Variants in DPP6 observed in about 807,000 individuals in gnomAD.
DPP6 encodes A-type potassium channel modulatory protein DPP6.
In DPP6, 69 loss-of-function variants were observed where a neutral mutation model predicts 122.6. The observed-to-expected ratio is 0.56, with a 90% CI of 0.46 to 0.69. The LOEUF is 0.69. Ranked by LOEUF, DPP6 falls within the 30% of genes least tolerant of loss-of-function variation. The pLI is 0.00. For missense variants in DPP6, 928 were observed against 1,116.9 expected (o/e 0.83, Z 2.41); for synonymous variants, 418 against 433.1 (o/e 0.97, Z 0.43).
Position 154,029,568 on chromosome 7 carries a change from T to G in DPP6, c.51+141834T>G, listed in dbSNP as rs191585679. On this transcript the variant is annotated intron_variant, in intron 1 of 25. Transcript: ENST00000404039. ...ATGTCAAAAATTAGCAATTTTATGC[T>G]GGGCATGGTGGCTCACGCCTGTAAT... Among the ~76,000 whole-genome samples, 1,205 of 148,826 alleles carry G rather than the reference T, an allele frequency of 8.1e-3. 20 individuals are homozygous for G. The highest frequency in any genetic ancestry group is 0.027 in the African/African-American group (1,103 of 40,312).
At chr7:153,791,640 G>A in the DPP6 span, among the ~76,000 whole-genome samples, 3 of 152,026 alleles carry the variant, frequency 2.0e-5, no homozygotes, top group Admixed American at 6.5e-5. Flanking sequence ...GACTGGTCTC[G>A]AACTCCTGAC....
chr7:154,137,570 G>A (rs1051267484), intron 1 of DPP6, among the ~76,000 whole-genome samples: 7 of 149,600 alleles, frequency 4.7e-5, no homozygotes, highest in African/African-American at 1.7e-4. Context: ...GTCAGGTTCT[G>A]TGCCAAGGGT....
chr7:153,761,728 T>C, the DPP6 span, among the ~76,000 whole-genome samples: 1 of 152,222 alleles, frequency 6.6e-6, no homozygotes, highest in Non-Finnish European at 1.5e-5. Context: ...CAAGCATCGA[T>C]CCATGCTTCC....
rs557996428 is a variant in DPP6, at chr7:154,661,854, C to G, written c.681-7506C>G. Among the ~76,000 whole-genome samples the G allele has an allele frequency of 5.9e-3, 665 of 112,882 alleles. 26 individuals are homozygous for G. Among genetic ancestry groups the G allele is most frequent in the Admixed American group, 8.8e-3 (99 of 11,300 alleles). The allele number at this position is 112,882 out of a possible 152,430, so 74.1% of individuals were successfully genotyped here. On this transcript the variant is annotated intron_variant, in intron 6 of 25. Coordinates refer to ENST00000377770, the MANE Select transcript of DPP6 (RefSeq NM_130797.4). ...TGGTGAATCACCATGGCATATTGGC[C>G]ATAGTGTTCATATAGTCATGGTGAA...
At chr7:154,158,345 A>G (rs906001830) in intron 1 of DPP6, among the ~76,000 whole-genome samples, 1 of 151,334 alleles carries the variant, frequency 6.6e-6, no homozygotes, top group African/African-American at 2.4e-5. Context: ...TCTTTTTTCC[A>G]TTTATTTTAA....
At chr7:154,063,777 C>T (rs1351291173) in intron 1 of DPP6, among the ~76,000 whole-genome samples, 3 of 151,796 alleles carry the variant, frequency 2.0e-5, no homozygotes, top group Non-Finnish European at 4.4e-5. Flanking sequence ...CCTTAGGACC[C>T]ACCTGGAGGA....
rs148167839 is a variant in DPP6, at chr7:154,308,680, T to C, written c.244-137534T>C. On this transcript the variant is annotated intron_variant, in intron 1 of 25. Coordinates refer to ENST00000377770, the MANE Select transcript of DPP6 (RefSeq NM_130797.4). ...CAAGTCTGGCTTAAATTTACTATAT[T>C]CTCACAAGCCAACGGAGCTCTTCCT... 7.9e-5 allele frequency among the ~76,000 whole-genome samples: 12 copies of C among 152,274 alleles called. No homozygotes were observed. The East Asian group carries it at 2.3e-3, about 29-fold the overall frequency.
intron 1 of DPP6, among the ~76,000 whole-genome samples, chr7:154,302,007 C>T (rs771238629): frequency 7.9e-5 from 12 of 151,938 alleles, no homozygotes; most frequent in Non-Finnish European, 1.3e-4. Flanking sequence ...TTAGCAGAGA[C>T]GGGGTTTCAC....
At chr7:154,693,456 G>A (rs1325364160) in intron 7 of DPP6, among the ~76,000 whole-genome samples, 1 of 152,110 alleles carries the variant, frequency 6.6e-6, no homozygotes, top group Non-Finnish European at 1.5e-5. Flanking sequence ...TTTTCCAGAA[G>A]TGCTAATTAC....
Position 154,877,802 on chromosome 7 carries a change from C to T in DPP6, c.2078+1702C>T, listed in dbSNP as rs1385859984. Reference sequence around the variant, plus strand: ...AGGTGCAGGCAGCCCCCCCAGAGACCAAGTGGGTCCGTCTGACACCAGTGT... The same window carrying T: ...AGGTGCAGGCAGCCCCCCCAGAGACTAAGTGGGTCCGTCTGACACCAGTGT... On this transcript the variant is annotated intron_variant, in intron 20 of 25. Transcript: ENST00000377770. The surrounding 1 kb of genome is among the most constrained non-coding windows in gnomAD (Gnocchi z 5.2). 6.6e-6 allele frequency among the ~76,000 whole-genome samples: 1 copy of T among 152,204 alleles called. No homozygotes were observed. The highest frequency in any genetic ancestry group is 1.5e-5 in the Non-Finnish European group (1 of 68,026).
intron 5 of DPP6, among the ~76,000 whole-genome samples, chr7:154,598,301 C>T (rs1174170180): frequency 2.0e-5 from 3 of 152,134 alleles, no homozygotes; most frequent in South Asian, 2.1e-4. Context: ...AAAGGAAAAC[C>T]GTTTTGGAAG....
At chr7:154,070,936 A>G (rs1803073789) in intron 1 of DPP6, among the ~76,000 whole-genome samples, 1 of 152,188 alleles carries the variant, frequency 6.6e-6, no homozygotes, top group African/African-American at 2.4e-5. Flanking sequence ...GAGGCCTGAG[A>G]TACATCAGTG....
intron 6 of DPP6, among the ~76,000 whole-genome samples, chr7:154,655,668 T>C (rs1172143327): frequency 6.6e-6 from 1 of 152,192 alleles, no homozygotes; most frequent in African/African-American, 2.4e-5. Flanking sequence ...GGAAAATCAT[T>C]TGATGCGAGG....
At chr7:153,834,682 T>G in the DPP6 span, among the ~76,000 whole-genome samples, 1 of 152,274 alleles carries the variant, frequency 6.6e-6, no homozygotes, top group Non-Finnish European at 1.5e-5. Context: ...TATAGTTGAG[T>G]AAACTGAAGT....
chr7:154,308,124 T>A (rs911854336), intron 1 of DPP6, among the ~76,000 whole-genome samples: 5 of 152,110 alleles, frequency 3.3e-5, no homozygotes, highest in African/African-American at 1.2e-4. Flanking sequence ...GACTACCCAT[T>A]ACTTCTTAGC....
At chr7:154,021,758 C>T (rs980331853) in intron 1 of DPP6, among the ~76,000 whole-genome samples, 6 of 152,174 alleles carry the variant, frequency 3.9e-5, no homozygotes, top group African/African-American at 1.4e-4. Context: ...TGTGTGCATT[C>T]AGCCTCAGTC....
chr7:154,015,732 A>C (rs1286662114), intron 1 of DPP6, among the ~76,000 whole-genome samples: 1 of 151,722 alleles, frequency 6.6e-6, no homozygotes, highest in Non-Finnish European at 1.5e-5. Flanking sequence ...CCACCTCCCC[A>C]CTGGGGCTGC....
chr7:154,207,811 C>T (rs118096330), intron 1 of DPP6, among the ~76,000 whole-genome samples: 198 of 151,976 alleles, frequency 1.3e-3, no homozygotes, highest in African/African-American at 4.5e-3. Flanking sequence ...TTAACGTAGC[C>T]GGATGCGATG....
At chr7:154,035,604 TA>T (rs2129056322) in intron 1 of DPP6, among the ~76,000 whole-genome samples, 1 of 151,990 alleles carries the variant, frequency 6.6e-6, no homozygotes, top group Non-Finnish European at 1.5e-5. Flanking sequence ...CATCTCTCTT[TA>T]TTGATAGCCC....
Sources: allele counts gnomAD v4.1 joint callset (sites outside exome capture counted in the v4.1 genomes callset), GRCh38; gene constraint gnomAD v4.1.1; non-coding constraint Gnocchi (gnomAD v3.1); transcripts MANE v1.5; gene names NCBI Gene and HGNC (gene_info 2026-07-23, HGNC 2026-07-21).